TGFBRAP1: variants seen among roughly 807,000 people sequenced by gnomAD.
TGFBRAP1 encodes the protein transforming growth factor-beta receptor-associated protein 1.
TGFBRAP1 carries 20 observed loss-of-function variants against 83.2 expected under a neutral mutation model. The ratio of observed to expected loss-of-function variants is 0.24; its 90% CI spans 0.17 to 0.35. The LOEUF (loss-of-function observed/expected upper bound fraction) is 0.35. Ranked by LOEUF, TGFBRAP1 falls within the 10% of genes least tolerant of loss-of-function variation. The pLI is 1.00. For synonymous variants in TGFBRAP1, 415 were observed against 459.8 expected, an observed-to-expected ratio of 0.90 and a Z score of 1.25; for missense variants, 950 against 1,099.4, an observed-to-expected ratio of 0.86 and a Z score of 1.92.
chr2:105,259,021 A>G, the TGFBRAP1 span, among the ~76,000 whole-genome samples: 2 of 152,206 alleles, frequency 1.3e-5, no homozygotes, highest in Non-Finnish European at 2.9e-5. Flanking sequence ...GTTGCATGAA[A>G]TTACAGTTAT....
intron 2 of TGFBRAP1, 25 bp from the exon 3 acceptor site, chr2:105,298,730 G>T (rs556421663): frequency 1.2e-5 from 18 of 1,538,166 alleles, no homozygotes; most frequent in African/African-American, 9.6e-5. Flanking sequence ...AAAGAGTTAG[G>T]TAGGCTTCCA....
chr2:105,305,966 T>G (rs985849915), intron 2 of TGFBRAP1, among the ~76,000 whole-genome samples: 6 of 151,882 alleles, frequency 4.0e-5, no homozygotes, highest in African/African-American at 1.5e-4. Context: ...CAACAACTTT[T>G]TAGAATGAGG....
At chr2:105,305,038 T>C (rs898803518) in intron 2 of TGFBRAP1, among the ~76,000 whole-genome samples, 1 of 152,130 alleles carries the variant, frequency 6.6e-6, no homozygotes, top group Non-Finnish European at 1.5e-5. Context: ...CATAACACAT[T>C]TGTCGAGCAT....
chr2:105,251,703 G>T, the TGFBRAP1 span, among the ~76,000 whole-genome samples: 1,400 of 152,232 alleles, frequency 9.2e-3, 21 homozygotes, highest in Non-Finnish European at 0.01. Context: ...GAATAGAAAG[G>T]GGGGAAAGGT....
intron 2 of TGFBRAP1, among the ~76,000 whole-genome samples, chr2:105,305,240 G>GAA (rs1303941474): frequency 1.3e-5 from 2 of 152,156 alleles, no homozygotes; most frequent in Admixed American, 6.5e-5. Context: ...AGATATACAT[G>GAA]AAATAGTTCA....
chr2:105,327,793 A>C (rs111312534), intron 1 of TGFBRAP1, among the ~76,000 whole-genome samples: 9 of 152,138 alleles, frequency 5.9e-5, no homozygotes, highest in Non-Finnish European at 1.3e-4. Context: ...TGACAAGAGG[A>C]CTGCCATGCA....
chr2:105,314,866 C>T lies in TGFBRAP1; in HGVS notation c.-17-6548G>A, dbSNP rs1678803439. On this transcript the variant is annotated intron_variant, in intron 1 of 11. Transcript: ENST00000393359. ...TTGGGAGGCTGAGGCAGGAGAATCG[C>T]TTGGACCCAGGAGGCAGAGCTTGCA... 2.0e-5 allele frequency among the ~76,000 whole-genome samples: 3 copies of T among 149,874 alleles called. No individual in the cohort carries two copies. In the South Asian group the frequency reaches 6.4e-4, roughly 32 times the overall value.
chr2:105,275,012 T>G (rs2104321320), intron 8 of TGFBRAP1, among the ~76,000 whole-genome samples: 1 of 152,296 alleles, frequency 6.6e-6, no homozygotes, highest in Non-Finnish European at 1.5e-5. Flanking sequence ...AGCCAACAGG[T>G]GCTTTTTCAC....
chr2:105,256,647 T>C, the TGFBRAP1 span, among the ~76,000 whole-genome samples: 1 of 152,228 alleles, frequency 6.6e-6, no homozygotes, highest in African/African-American at 2.4e-5. Context: ...GTTATCATAT[T>C]ACTGGTCTGG....
chr2:105,317,282 C>G (rs1173025197), intron 1 of TGFBRAP1, among the ~76,000 whole-genome samples: 5 of 152,022 alleles, frequency 3.3e-5, no homozygotes, highest in African/African-American at 1.2e-4. Flanking sequence ...ACTAAAAATA[C>G]AAAAATTAGC....
chr2:105,328,277 G>A (rs908465523), intron 1 of TGFBRAP1, among the ~76,000 whole-genome samples: 2 of 152,158 alleles, frequency 1.3e-5, no homozygotes, highest in Non-Finnish European at 2.9e-5. Context: ...TTTCATAGAT[G>A]ACCTGGGGCA....
At chr2:105,323,567 G>A (rs1256148774) in intron 1 of TGFBRAP1, among the ~76,000 whole-genome samples, 3 of 152,170 alleles carry the variant, frequency 2.0e-5, no homozygotes, top group South Asian at 4.1e-4. Flanking sequence ...CTGCATTCCT[G>A]ACTGAATGAA....
intron 4 of TGFBRAP1, among the ~76,000 whole-genome samples, chr2:105,286,190 C>T (rs1677714724): frequency 6.6e-6 from 1 of 152,162 alleles, no homozygotes; most frequent in Non-Finnish European, 1.5e-5. Context: ...TTTCTATAAT[C>T]TAGTCTGGGA....
chr2:105,277,133 G>A (rs529406970), intron 7 of TGFBRAP1, among the ~76,000 whole-genome samples: 4 of 152,152 alleles, frequency 2.6e-5, no homozygotes, highest in African/African-American at 4.8e-5. Flanking sequence ...AATGGAGCGC[G>A]GTTCAGATCC....
At chr2:105,281,300 C>T (rs1198311299) in intron 5 of TGFBRAP1, among the ~76,000 whole-genome samples, 1 of 152,212 alleles carries the variant, frequency 6.6e-6, no homozygotes, top group Non-Finnish European at 1.5e-5. Context: ...ACAAACAGTT[C>T]CTTTCCCATC....
chr2:105,286,727 T>C (rs1021199442), intron 4 of TGFBRAP1, among the ~76,000 whole-genome samples: 4 of 152,234 alleles, frequency 2.6e-5, no homozygotes, highest in African/African-American at 7.2e-5. Context: ...AGAGGCTGCA[T>C]GGATTCTGGA....
rs367986159 is a variant in TGFBRAP1, at chr2:105,273,031, G to T, written c.1813-17C>A. 153 of 1,605,372 alleles carry T rather than the reference G, an allele frequency of 9.5e-5. No homozygotes were observed. The highest frequency in any genetic ancestry group is 1.7e-4 in the Middle Eastern group (1 of 5,978). On this transcript the variant is annotated splice_polypyrimidine_tract_variant and intron_variant, in intron 9 of 11. Coordinates refer to ENST00000393359, the MANE Select transcript of TGFBRAP1 (RefSeq NM_004257.6). ...CTCTTCTTTCTGCAGGAAACAGGGG[G>T]AGCCAAGCAGACAGACAGTGTTTTC...
rs1677644142 is a variant in TGFBRAP1, at chr2:105,284,375, C to T, written c.1062G>A (p.Gln354=). 4 of 1,613,958 alleles carry T rather than the reference C, an allele frequency of 2.5e-6. No individual in the cohort carries two copies. The highest frequency in any genetic ancestry group is 3.4e-6 in the Non-Finnish European group (4 of 1,179,966). Residue 354 remains glutamine, a synonymous_variant, in exon 5 of 12, where the codon CAG becomes CAA. Coordinates refer to ENST00000393359, the MANE Select transcript of TGFBRAP1 (RefSeq NM_004257.6). ...GTGCAAACTGTATAAATCCCGCCTGCTGCAGAATCCTTCTGTACATTACCT... is the reference window on the plus strand; with the variant it reads ...GTGCAAACTGTATAAATCCCGCCTGTTGCAGAATCCTTCTGTACATTACCT... ...KFQVMYRRIL[Q]QAGFIQFAQL... is the part of the protein sequence containing the mutation.
chr2:105,285,829 T>C (rs1214247711), intron 4 of TGFBRAP1, among the ~76,000 whole-genome samples: 2 of 152,114 alleles, frequency 1.3e-5, no homozygotes, highest in East Asian at 3.9e-4. Context: ...TTACCATCAG[T>C]CTTTAATTTT....
Sources: allele counts gnomAD v4.1 joint callset (sites outside exome capture counted in the v4.1 genomes callset), GRCh38; gene constraint gnomAD v4.1.1; transcripts MANE v1.5; gene names NCBI Gene and HGNC (gene_info 2026-07-23, HGNC 2026-07-21).